STK32A: variants seen among roughly 807,000 people sequenced by gnomAD.
STK32A encodes the protein serine/threonine kinase 32A.
STK32A carries 41 observed loss-of-function variants against 53.2 expected under a neutral mutation model. The ratio of observed to expected loss-of-function variants is 0.77; its 90% CI spans 0.60 to 1.00. The LOEUF (loss-of-function observed/expected upper bound fraction) is 1.00, where lower values mean the gene tolerates loss of function less well. Ranked by LOEUF, STK32A falls within the 50% of genes least tolerant of loss-of-function variation. The probability of loss-of-function intolerance (pLI) is 0.00; values close to 1 mark genes in which losing one functional copy is unlikely to be tolerated. For missense variants in STK32A, 458 were observed against 485.8 expected, an observed-to-expected ratio of 0.94 and a Z score of 0.54; for synonymous variants, 166 against 162.8, an observed-to-expected ratio of 1.02 and a Z score of -0.15.
intron 11 of STK32A, among the ~76,000 whole-genome samples, chr5:147,382,537 A>T (rs1051491422): frequency 1.3e-5 from 2 of 152,138 alleles, no homozygotes; most frequent in African/African-American, 4.8e-5. Context: ...GAATCTAATA[A>T]TGTGATAAAT....
intron 4 of STK32A, among the ~76,000 whole-genome samples, chr5:147,279,755 A>G (rs1474453899): frequency 6.6e-6 from 1 of 152,150 alleles, no homozygotes; most frequent in Non-Finnish European, 1.5e-5. Flanking sequence ...TTTTTACACC[A>G]AATATGAATG....
chr5:147,273,316 C>T (rs911384048), intron 2 of STK32A, among the ~76,000 whole-genome samples: 5 of 152,134 alleles, frequency 3.3e-5, no homozygotes, highest in Admixed American at 2.6e-4. Context: ...GAAGAAATCC[C>T]ACCTTGTTTC....
At position 147,279,273 on chromosome 5, in the gene STK32A, C is replaced by A; in HGVS notation, c.135C>A (p.Thr45=). 6.2e-7 allele frequency: 1 copy of A among 1,613,720 alleles called. No homozygotes were observed. Among genetic ancestry groups the A allele is most frequent in the South Asian group, 1.1e-5 (1 of 91,012 alleles). The change falls in exon 4 of 13, where the codon ACC becomes ACA. Residue 45 remains threonine (T), a synonymous_variant. Coordinates refer to ENST00000397936, the MANE Select transcript of STK32A (RefSeq NM_001112724.2). ...TCTGCATTGTACAGAAGAATGATAC[C>A]AAGAAGATGTACGCAATGAAGTACA... is the stretch of plus-strand genomic sequence containing the variant. The part of the protein sequence containing the change: ...GKVCIVQKND[T]KKMYAMKYMN...
intron 2 of STK32A, among the ~76,000 whole-genome samples, chr5:147,262,582 T>C (rs1754627261): frequency 7.3e-6 from 1 of 137,158 alleles, no homozygotes; most frequent in African/African-American, 2.8e-5. Flanking sequence ...ATTTTACAGA[T>C]CAGGAAAAAA....
chr5:147,374,311 A>T (rs1210183308), intron 10 of STK32A, among the ~76,000 whole-genome samples: 1 of 151,824 alleles, frequency 6.6e-6, no homozygotes, highest in African/African-American at 2.4e-5. Context: ...ATTACTCTTA[A>T]GCCCATATGA....
At chr5:147,311,254 T>C (rs970480400) in intron 4 of STK32A, among the ~76,000 whole-genome samples, 37 of 152,322 alleles carry the variant, frequency 2.4e-4, no homozygotes, top group Admixed American at 1.8e-3. Context: ...AACTACATAT[T>C]TGTTTGTTAA....
At chr5:147,376,676 T>G (rs574539173) in intron 11 of STK32A, among the ~76,000 whole-genome samples, 65 of 152,298 alleles carry the variant, frequency 4.3e-4, no homozygotes, top group Non-Finnish European at 7.9e-4. Context: ...TGTCTCACTC[T>G]CAAGCACTGA....
intron 4 of STK32A, among the ~76,000 whole-genome samples, chr5:147,283,698 T>C (rs986320226): frequency 3.3e-5 from 5 of 152,014 alleles, no homozygotes; most frequent in African/African-American, 1.2e-4. Context: ...ACCTAGAAGA[T>C]ATGGATAAAT....
intron 5 of STK32A, among the ~76,000 whole-genome samples, chr5:147,338,113 G>C (rs1191558092): frequency 6.6e-6 from 1 of 152,132 alleles, no homozygotes; most frequent in East Asian, 1.9e-4. Flanking sequence ...TGTTTTTGCT[G>C]TGTCCCCATC....
At chr5:147,247,815 C>T (rs1753819869) in intron 2 of STK32A, among the ~76,000 whole-genome samples, 1 of 151,892 alleles carries the variant, frequency 6.6e-6, no homozygotes, top group Non-Finnish European at 1.5e-5. Context: ...TGATTTTTTT[C>T]CAATCAATAA....
intron 7 of STK32A, among the ~76,000 whole-genome samples, chr5:147,355,890 G>A (rs1297462100): frequency 3.3e-5 from 5 of 151,572 alleles, no homozygotes; most frequent in Non-Finnish European, 5.9e-5. Flanking sequence ...TTTATTTCCA[G>A]ACATTTTTTC....
At chr5:147,339,976 T>C (rs888494907) in intron 5 of STK32A, among the ~76,000 whole-genome samples, 46 of 152,210 alleles carry the variant, frequency 3.0e-4, no homozygotes, top group African/African-American at 1.1e-3. Flanking sequence ...CTGAAATGAG[T>C]TAAGACTTTG....
rs901831818 is a variant in STK32A at position 147,350,252 on chromosome 5, A to G, written c.473-813A>G. On this transcript the variant is annotated intron_variant, in intron 6 of 12. Coordinates refer to ENST00000397936, the MANE Select transcript of STK32A (RefSeq NM_001112724.2). ...CTGAATTATCAGACAAAAAATATGTACAAAAATATTTTAGAAAAACTTGAA... is the reference window on the plus strand; with the variant it reads ...CTGAATTATCAGACAAAAAATATGTGCAAAAATATTTTAGAAAAACTTGAA... Among the ~76,000 whole-genome samples, 4 of 145,020 alleles carry G rather than the reference A, an allele frequency of 2.8e-5. No individual in the cohort carries two copies. The South Asian group carries it at 8.7e-4, about 32-fold the overall frequency.
At chr5:147,278,801 A>T (rs1751894613) in intron 3 of STK32A, among the ~76,000 whole-genome samples, 1 of 152,170 alleles carries the variant, frequency 6.6e-6, no homozygotes, top group Non-Finnish European at 1.5e-5. Flanking sequence ...CATGGACATC[A>T]TATTTAGTGT....
intron 2 of STK32A, among the ~76,000 whole-genome samples, chr5:147,261,285 T>C (rs1047578029): frequency 3.3e-5 from 5 of 152,142 alleles, no homozygotes; most frequent in Non-Finnish European, 5.9e-5. Context: ...GGTACTTCTA[T>C]ATAGAAGGGT....
chr5:147,287,313 T>A (rs769418509), intron 4 of STK32A, among the ~76,000 whole-genome samples: 4 of 152,152 alleles, frequency 2.6e-5, no homozygotes, highest in African/African-American at 4.8e-5. Context: ...TGGTGTTTCT[T>A]AAAGCTAATT....
At chr5:147,308,381 T>C (rs1318042007) in intron 4 of STK32A, among the ~76,000 whole-genome samples, 1 of 152,128 alleles carries the variant, frequency 6.6e-6, no homozygotes, top group East Asian at 1.9e-4. Flanking sequence ...AATTGATTAT[T>C]AATATTGACT....
intron 6 of STK32A, among the ~76,000 whole-genome samples, chr5:147,348,278 C>G (rs1402816321): frequency 4.6e-5 from 7 of 152,186 alleles, no homozygotes; most frequent in Admixed American, 2.0e-4. Flanking sequence ...AAATACTCAA[C>G]ATTCTTTCAA....
intron 2 of STK32A, among the ~76,000 whole-genome samples, chr5:147,245,891 C>T (rs1753752345): frequency 1.3e-5 from 2 of 152,146 alleles, no homozygotes; most frequent in Non-Finnish European, 2.9e-5. Context: ...GTGACAGAGG[C>T]AATGGGATCC....
Sources: allele counts gnomAD v4.1 joint callset (sites outside exome capture counted in the v4.1 genomes callset), GRCh38; gene constraint gnomAD v4.1.1; transcripts MANE v1.5; gene names NCBI Gene and HGNC (gene_info 2026-07-23, HGNC 2026-07-21).